Variants in CNTN1 observed in about 807,000 individuals in gnomAD.
CNTN1 encodes the protein contactin-1.
In CNTN1, 38 loss-of-function variants were observed where a neutral mutation model predicts 126.4. The observed-to-expected ratio is 0.30, with a 90% CI of 0.23 to 0.39. The LOEUF (loss-of-function observed/expected upper bound fraction) is 0.39. Ranked by LOEUF, CNTN1 falls within the 10% of genes least tolerant of loss-of-function variation. The probability of loss-of-function intolerance (pLI) is 1.00; values close to 1 mark genes in which losing one functional copy is unlikely to be tolerated. For synonymous variants in CNTN1, 413 were observed against 422.6 expected (o/e 0.98, Z 0.28); for missense variants, 1,009 against 1,248.4 (o/e 0.81, Z 2.89).
In CNTN1 at chr12:40,929,812, C is replaced by T. The variant is rs1251394161; in HGVS notation, c.513C>T (p.Arg171=). ...TTCTCCTAGATGATCTTAGCTATCG[C>T]TGGCTTCTAAATGAATTTCCTGTAT... The part of the protein sequence containing the change: ...PYHFPDDLSY[R]WLLNEFPVFI... The change falls in exon 7 of 24, where the codon CGC becomes CGT. Residue 171 remains arginine, a synonymous_variant. Transcript: ENST00000551295. 1 of 1,611,646 alleles carries T rather than the reference C, an allele frequency of 6.2e-7. No individual in the cohort carries two copies. The highest frequency in any genetic ancestry group is 8.5e-7 in the Non-Finnish European group (1 of 1,178,506).
chr12:40,694,960 T>A (rs1292964364), intron 1 of CNTN1, among the ~76,000 whole-genome samples: 1 of 152,218 alleles, frequency 6.6e-6, no homozygotes. Context: ...TACATAGGTA[T>A]GTATCAACTA....
intron 1 of CNTN1, among the ~76,000 whole-genome samples, chr12:40,840,604 T>C (rs1160132244): frequency 6.7e-6 from 1 of 149,176 alleles, no homozygotes; most frequent in Non-Finnish European, 1.5e-5. Context: ...GCAAAACAAG[T>C]CTCATCAATT....
Position 41,007,349 on chromosome 12 carries a change from C to T in CNTN1, c.2114-6879C>T, listed in dbSNP as rs191671138. Among the ~76,000 whole-genome samples the T allele has an allele frequency of 2.2e-4, 34 of 152,056 alleles. No individual in the cohort carries two copies. The Middle Eastern group carries it at 0.01, about 46-fold the overall frequency. On this transcript the variant is annotated intron_variant, in intron 17 of 23. Transcript: ENST00000551295. Reference sequence around the variant, plus strand: ...TGCTGGGATTACAGGCGTGAGCCACCGCGCCCGGCCAGTTTTGTGTGTTTT... The same window carrying T: ...TGCTGGGATTACAGGCGTGAGCCACTGCGCCCGGCCAGTTTTGTGTGTTTT...
intron 1 of CNTN1, among the ~76,000 whole-genome samples, chr12:40,777,455 G>T (rs1052523665): frequency 2.6e-5 from 4 of 151,586 alleles, no homozygotes; most frequent in Admixed American, 1.3e-4. Flanking sequence ...GACCCTCCTG[G>T]CACAGAGTTT....
chr12:40,807,884 T>C (rs1198147758), intron 1 of CNTN1, among the ~76,000 whole-genome samples: 1 of 152,186 alleles, frequency 6.6e-6, no homozygotes, highest in Non-Finnish European at 1.5e-5. Context: ...ATTATTGTCA[T>C]CCAGGAGGGA....
chr12:40,996,616 T>C (rs945826167), intron 17 of CNTN1, among the ~76,000 whole-genome samples: 2 of 152,236 alleles, frequency 1.3e-5, no homozygotes, highest in African/African-American at 4.8e-5. Context: ...TATGGTCTCC[T>C]GTCTACTTTG....
intron 1 of CNTN1, among the ~76,000 whole-genome samples, chr12:40,801,133 TA>T (rs1476141143): frequency 1.3e-5 from 2 of 151,854 alleles, no homozygotes; most frequent in African/African-American, 4.8e-5. Flanking sequence ...GCCAAAGGTT[TA>T]AAGTTCAAAG....
At chr12:40,943,193 T>C (rs1275409170) in intron 12 of CNTN1, among the ~76,000 whole-genome samples, 1 of 152,128 alleles carries the variant, frequency 6.6e-6, no homozygotes, top group South Asian at 2.1e-4. Context: ...TTTTAAAGTT[T>C]CTAAAAATAA....
chr12:41,071,438 A>T lies in CNTN1; in HGVS notation c.*1403A>T, dbSNP rs1034082387. On this transcript the variant is annotated 3_prime_UTR_variant, in exon 24 of 24. Coordinates refer to ENST00000551295, the MANE Select transcript of CNTN1 (RefSeq NM_001843.4). ...AGAGGTATAATCCTATTTTATTAGC[A>T]CAAACTTGCTAGCTAATTAGAGTTT... The T allele has an allele frequency of 6.6e-6, 1 of 152,216 alleles. No homozygotes were observed. Among genetic ancestry groups the T allele is most frequent in the Non-Finnish European group, 1.5e-5 (1 of 68,036 alleles). The allele number at this position is 152,216 out of a possible 1,614,324, so 9.4% of individuals were successfully genotyped here. A position where few individuals can be genotyped will look rare whatever the true frequency, so the allele number is the denominator to read the frequency against.
chr12:40,698,930 C>T (rs1311786931), intron 1 of CNTN1, among the ~76,000 whole-genome samples: 1 of 152,142 alleles, frequency 6.6e-6, no homozygotes, highest in African/African-American at 2.4e-5. Flanking sequence ...TCTCGCAACA[C>T]CCTCCCATGT....
chr12:41,046,599 T>G (rs920231736), intron 23 of CNTN1, among the ~76,000 whole-genome samples: 1 of 152,192 alleles, frequency 6.6e-6, no homozygotes, highest in African/African-American at 2.4e-5. Context: ...AATAAGAGCA[T>G]TATTCTCAGT....
chr12:40,721,425 C>G (rs1322973536), intron 1 of CNTN1, among the ~76,000 whole-genome samples: 4 of 151,950 alleles, frequency 2.6e-5, no homozygotes, highest in Non-Finnish European at 4.4e-5. Flanking sequence ...CTTATTTTCC[C>G]TGCCAAAGAG....
intron 12 of CNTN1, among the ~76,000 whole-genome samples, chr12:40,942,326 T>G (rs1041868442): frequency 5.3e-5 from 8 of 152,032 alleles, no homozygotes; most frequent in Non-Finnish European, 8.8e-5. Context: ...TGGTGGAGGC[T>G]TGGAAAAGTA....
intron 6 of CNTN1, 38 bp from the exon 7 acceptor site, chr12:40,929,758 G>A (rs375891152): frequency 1.0e-4 from 148 of 1,485,026 alleles, no homozygotes; most frequent in Non-Finnish European, 1.3e-4. Context: ...AACTTTGGGA[G>A]AAGCACTTAA....
intron 1 of CNTN1, among the ~76,000 whole-genome samples, chr12:40,818,855 C>T (rs901974741): frequency 2.0e-5 from 3 of 151,960 alleles, no homozygotes; most frequent in Admixed American, 1.3e-4. Flanking sequence ...TGGGGTTTTT[C>T]TGGGGGCCTT....
chr12:40,888,738 G>T (rs1944141820), intron 1 of CNTN1, among the ~76,000 whole-genome samples: 2 of 152,202 alleles, frequency 1.3e-5, no homozygotes. Flanking sequence ...TGTTTACTGG[G>T]CCTGATAGAG....
intron 23 of CNTN1, among the ~76,000 whole-genome samples, chr12:41,053,287 C>G (rs1949725206): frequency 1.3e-5 from 2 of 150,206 alleles, no homozygotes; most frequent in African/African-American, 4.9e-5. Flanking sequence ...TTTATAGAGT[C>G]ACTATGAATG....
intron 23 of CNTN1, among the ~76,000 whole-genome samples, chr12:41,063,048 G>C (rs1325585576): frequency 6.6e-6 from 1 of 152,142 alleles, no homozygotes; most frequent in East Asian, 1.9e-4. Context: ...AATTTGCAAA[G>C]TGGCAAACTC....
At chr12:40,992,181 T>TA (rs1386036900) in intron 16 of CNTN1, among the ~76,000 whole-genome samples, 4 of 152,164 alleles carry the variant, frequency 2.6e-5, no homozygotes, top group Admixed American at 2.6e-4. Context: ...CTAGCAGAGT[T>TA]AAAATTATGG....
Sources: allele counts gnomAD v4.1 joint callset (sites outside exome capture counted in the v4.1 genomes callset), GRCh38; gene constraint gnomAD v4.1.1; transcripts MANE v1.5; gene names NCBI Gene and HGNC (gene_info 2026-07-23, HGNC 2026-07-21).